Variants in RGPD4 observed in about 807,000 individuals in gnomAD.
RGPD4 encodes RANBP2 like and GRIP domain containing 4.
RGPD4 carries 84 observed loss-of-function variants against 141.1 expected under a neutral mutation model. The observed-to-expected ratio is 0.60, with a 90% CI of 0.50 to 0.71. The LOEUF is 0.71. Among genes scored for constraint, RGPD4 ranks in the 30% least tolerant of loss-of-function variants. The pLI is 0.00. For synonymous variants in RGPD4, 298 were observed against 566.8 expected (o/e 0.53, Z 6.74); for missense variants, 918 against 1,622.4 (o/e 0.57, Z 7.46).
intron 6 of RGPD4, among the ~76,000 whole-genome samples, chr2:107,846,351 C>T (rs1681946906): frequency 6.6e-6 from 1 of 151,794 alleles, no homozygotes; most frequent in Non-Finnish European, 1.5e-5. Context: ...CAGGTCTGAG[C>T]CACTGCACCC....
intron 1 of RGPD4, among the ~76,000 whole-genome samples, chr2:107,830,120 A>T (rs1681426040): frequency 6.6e-6 from 1 of 151,466 alleles, no homozygotes; most frequent in South Asian, 2.1e-4. Flanking sequence ...TCCACTCCTC[A>T]TACTCACCTC....
At chr2:107,869,617 A>T (rs1220830499) in intron 18 of RGPD4, among the ~76,000 whole-genome samples, 1 of 143,416 alleles carries the variant, frequency 7.0e-6, no homozygotes, top group East Asian at 2.1e-4. Flanking sequence ...TTTCTTCTTT[A>T]TTCCTTTTTT....
chr2:107,870,616 G>A, intron 19 of RGPD4, 89 bp from the exon 20 acceptor site: 2 of 1,019,100 alleles, frequency 2.0e-6, no homozygotes, highest in Non-Finnish European at 2.9e-6. Flanking sequence ...AACATCATTT[G>A]ATAAATTGTT....
chr2:107,846,073 C>A (rs1368496769), intron 6 of RGPD4, among the ~76,000 whole-genome samples: 1 of 120,026 alleles, frequency 8.3e-6, no homozygotes, highest in African/African-American at 3.7e-5. Context: ...CCTACAGGTT[C>A]CTGCCACCAC....
intron 6 of RGPD4, among the ~76,000 whole-genome samples, chr2:107,845,528 G>T (rs1395657712): frequency 2.6e-5 from 4 of 151,164 alleles, no homozygotes; most frequent in African/African-American, 9.8e-5. Flanking sequence ...AGGACCCTGA[G>T]GAAGATAAAA....
chr2:107,873,696 G>C (rs1233504647), intron 20 of RGPD4, among the ~76,000 whole-genome samples: 1 of 151,688 alleles, frequency 6.6e-6, no homozygotes, highest in African/African-American at 2.4e-5. Flanking sequence ...AAATGAATAT[G>C]TAAGACAGAT....
rs369035393 is a variant in RGPD4 at position 107,859,864 on chromosome 2, G to A, written c.1758+19G>A. 56 of 1,570,480 alleles carry A rather than the reference G, an allele frequency of 3.6e-5. No homozygotes were observed. The East Asian group carries it at 4.3e-4, about 12-fold the overall frequency. On this transcript the variant is annotated intron_variant, in intron 12 of 22. Transcript: ENST00000408999. Reference sequence around the variant, plus strand: ...GAAAATGGTGAGTTTTAAAGTATAAGCATTTTAAAAGAACATTACCTTAAT... The same window carrying A: ...GAAAATGGTGAGTTTTAAAGTATAAACATTTTAAAAGAACATTACCTTAAT...
At chr2:107,880,196 A>T in intron 21 of RGPD4, 89 bp downstream of exon 21, 4 of 1,570,646 alleles carry the variant, frequency 2.5e-6, no homozygotes, top group Non-Finnish European at 3.5e-6. Context: ...AAAAATTCAC[A>T]TTGCAGATGC....
At position 107,882,807 on chromosome 2, in the gene RGPD4, C is replaced by A. The variant is rs1474045788; in HGVS notation, c.5200C>A (p.Pro1734Thr). 6.2e-7 allele frequency: 1 copy of A among 1,610,910 alleles called. No individual in the cohort carries two copies. The highest frequency in any genetic ancestry group is 1.7e-5 in the Admixed American group (1 of 59,946). The change falls in exon 22 of 23, where the codon CCT becomes ACT. Residue 1734 changes from proline (P) to threonine (T), a missense_variant. Coordinates refer to ENST00000408999, the MANE Select transcript of RGPD4 (RefSeq NM_182588.3). ...AGGTAGTGAAAGAGAGAGACTTCTT[C>A]CTGTTATAAATACGATGTTGCAGCT... Reference protein sequence around the residue: ...KPGSERERLLPVINTMLQLSP... With the variant: ...KPGSERERLLTVINTMLQLSP...
chr2:107,858,040 T>G (rs1682389208), intron 9 of RGPD4, among the ~76,000 whole-genome samples: 1 of 151,938 alleles, frequency 6.6e-6, no homozygotes, highest in Non-Finnish European at 1.5e-5. Context: ...TCTGGCCATA[T>G]TTTTCATCTA....
At chr2:107,858,278 T>C (rs1234192325) in intron 9 of RGPD4, among the ~76,000 whole-genome samples, 3 of 151,946 alleles carry the variant, frequency 2.0e-5, no homozygotes, top group Admixed American at 6.5e-5. Flanking sequence ...GGCAAGTTAT[T>C]TCCATAGAGA....
At chr2:107,828,244 C>T (rs1416378515) in intron 1 of RGPD4, among the ~76,000 whole-genome samples, 11 of 26,938 alleles carry the variant, frequency 4.1e-4, no homozygotes, top group East Asian at 4.6e-4. Flanking sequence ...CCTGGCCCGG[C>T]GGCGGCCTCG....
intron 1 of RGPD4, among the ~76,000 whole-genome samples, chr2:107,834,464 G>C (rs1681601259): frequency 6.6e-6 from 1 of 152,014 alleles, no homozygotes; most frequent in Non-Finnish European, 1.5e-5. Context: ...ACAGCCTCCT[G>C]CTCCGTCCTA....
chr2:107,854,054 CTTTTTTT>C (rs1052579812), intron 7 of RGPD4, among the ~76,000 whole-genome samples: 1 of 125,916 alleles, frequency 7.9e-6, no homozygotes, highest in African/African-American at 3.3e-5. Context: ...TGGCCCCTCT[CTTTTTTT>C]TTTTTTTTTT....
chr2:107,831,569 T>C (rs1681487780), intron 1 of RGPD4, among the ~76,000 whole-genome samples: 1 of 95,644 alleles, frequency 1.0e-5, no homozygotes, highest in Non-Finnish European at 2.1e-5. Flanking sequence ...TTTCTTTTCT[T>C]TTCTTTTTTT....
chr2:107,884,234 C>T (rs566809762), intron 22 of RGPD4, among the ~76,000 whole-genome samples: 16 of 152,194 alleles, frequency 1.1e-4, no homozygotes, highest in African/African-American at 3.9e-4. Context: ...CCTCGGCCTC[C>T]CAAGTAGCTG....
chr2:107,866,840 T>C (rs1346146534), intron 18 of RGPD4, among the ~76,000 whole-genome samples: 11 of 133,278 alleles, frequency 8.3e-5, no homozygotes, highest in South Asian at 2.7e-4. Flanking sequence ...CTGCCTGAAA[T>C]GTGGAGATAA....
chr2:107,886,816 C>G (rs1483200059), intron 22 of RGPD4, among the ~76,000 whole-genome samples: 21 of 152,122 alleles, frequency 1.4e-4, no homozygotes, highest in South Asian at 8.3e-4. Context: ...CCTCTCTCAT[C>G]TCCTTGGAAG....
intron 20 of RGPD4, among the ~76,000 whole-genome samples, chr2:107,874,645 T>G (rs1472473801): frequency 6.6e-6 from 1 of 151,110 alleles, no homozygotes; most frequent in Non-Finnish European, 1.5e-5. Context: ...AGCTCTAGGT[T>G]AGGAATCCCT....
Sources: allele counts gnomAD v4.1 joint callset (sites outside exome capture counted in the v4.1 genomes callset), GRCh38; gene constraint gnomAD v4.1.1; transcripts MANE v1.5; gene names NCBI Gene and HGNC (gene_info 2026-07-23, HGNC 2026-07-21).